FBXL22: variants seen among roughly 807,000 people sequenced by gnomAD.
The protein encoded by FBXL22 is F-box and leucine rich repeat protein 22, also known as F-box and leucine-rich protein 22.
Under a neutral mutation model 11.7 loss-of-function variants are expected in FBXL22, and 13 were observed. The observed-to-expected ratio is 1.11, with a 90% CI of 0.73 to 1.77. FBXL22 has a LOEUF of 1.77. Among genes scored for constraint, FBXL22 ranks in the 40% most tolerant of loss-of-function variants. FBXL22 has a pLI of 0.00. For missense variants in FBXL22, 406 were observed against 320.4 expected, an observed-to-expected ratio of 1.27 and a Z score of -2.04; for synonymous variants, 160 against 144.1, an observed-to-expected ratio of 1.11 and a Z score of -0.79.
downstream of FBXL22, chr15:63,601,664 G>A (rs766648149): frequency 3.1e-6 from 5 of 1,607,934 alleles, no homozygotes; most frequent in East Asian, 1.1e-4. Context: ...ACCTTTCCTG[G>A]GGCGGATGCG....
At chr15:63,603,925 TC>T (rs776255187), downstream of FBXL22, among the ~76,000 whole-genome samples, 1 of 152,182 alleles carries the variant, frequency 6.6e-6, no homozygotes, top group Non-Finnish European at 1.5e-5. Flanking sequence ...CGAATTTTTC[TC>T]CCATTACTCT....
the FBXL22 span, among the ~76,000 whole-genome samples, chr15:63,607,949 CA>C: frequency 2.0e-5 from 3 of 152,348 alleles, no homozygotes; most frequent in African/African-American, 7.2e-5. Flanking sequence ...TCAGGGCCCG[CA>C]GGGGCTAGCT....
downstream of FBXL22, chr15:63,601,324 C>T: frequency 6.3e-7 from 1 of 1,595,372 alleles, no homozygotes; most frequent in Non-Finnish European, 8.5e-7. Flanking sequence ...CCCACGGAGG[C>T]GGGAGGCGCC....
At chr15:63,601,405 G>A (rs749539963), downstream of FBXL22, 5 of 1,595,304 alleles carry the variant, frequency 3.1e-6, no homozygotes, top group African/African-American at 4.0e-5. Context: ...TGACCACTCG[G>A]AGTTCGCCGA....
downstream of FBXL22, among the ~76,000 whole-genome samples, chr15:63,606,049 C>G (rs1364629679): frequency 6.6e-6 from 1 of 152,218 alleles, no homozygotes; most frequent in African/African-American, 2.4e-5. Context: ...GGGGAAGTGA[C>G]TGAGCCACCC....
Position 63,597,546 on chromosome 15 carries a change from C to A in FBXL22, c.154C>A (p.Leu52Met), listed in dbSNP as rs759762526. The A allele has an allele frequency of 9.9e-6, 16 of 1,614,182 alleles. No homozygotes were observed. Among genetic ancestry groups the A allele is most frequent in the Non-Finnish European group, 1.4e-5 (16 of 1,180,038 alleles). Residue 52 changes from leucine to methionine, a missense_variant, in exon 1 of 2, where the codon CTG (leucine) becomes ATG (methionine). Coordinates refer to ENST00000638704, the MANE Select transcript of FBXL22 (RefSeq NM_001367807.1). This position sits in a 1 kb window ranked among gnomAD's most constrained non-coding sequence, Gnocchi z 4.3. ...VFEDPALWSL[L>M]HFRSLTELQK... The stretch of plus-strand genomic sequence containing the variant: ...TGAGGACCCCGCACTCTGGTCCCTG[C>A]TGCACTTCCGTTCCCTCACTGAACT...
At chr15:63,605,135 A>C (rs76763736), downstream of FBXL22, among the ~76,000 whole-genome samples, 274 of 152,330 alleles carry the variant, frequency 1.8e-3, 8 homozygotes, top group East Asian at 0.04. Context: ...AGCCCTGCAG[A>C]CTTAATTAAT....
At chr15:63,608,511 C>T in the FBXL22 span, 1 of 152,604 alleles carries the variant, frequency 6.6e-6, no homozygotes, top group Non-Finnish European at 1.5e-5. Flanking sequence ...GTCAAAAAGC[C>T]ATCAGAGCAA....
chr15:63,607,584 C>T, the FBXL22 span, among the ~76,000 whole-genome samples: 1 of 152,254 alleles, frequency 6.6e-6, no homozygotes, highest in Non-Finnish European at 1.5e-5. Context: ...ATTAGGTATT[C>T]TCACTAAGAA....
chr15:63,597,558 T>C lies in FBXL22; in HGVS notation c.166T>C (p.Ser56Pro), dbSNP rs778299403. ...ACTCTGGTCCCTGCTGCACTTCCGT[T>C]CCCTCACTGAACTCCAGAAGGACAA... ...PALWSLLHFR[S>P]LTELQKDNFL... The change falls in exon 1 of 2, where the codon TCC becomes CCC. Residue 56 changes from serine to proline, a missense_variant. Coordinates refer to ENST00000638704, the MANE Select transcript of FBXL22 (RefSeq NM_001367807.1). This position sits in a 1 kb window ranked among gnomAD's most constrained non-coding sequence, Gnocchi z 4.3. The C allele has an allele frequency of 4.3e-6, 7 of 1,614,036 alleles. No individual in the cohort carries two copies. In the East Asian group the frequency reaches 1.3e-4, roughly 31 times the overall value.
downstream of FBXL22, among the ~76,000 whole-genome samples, chr15:63,604,679 T>C (rs955117103): frequency 6.6e-6 from 1 of 152,200 alleles, no homozygotes; most frequent in Admixed American, 6.5e-5. Context: ...AGCTTCCAGA[T>C]AGCTACATGC....
chr15:63,606,184 C>G (rs1366835494), downstream of FBXL22, among the ~76,000 whole-genome samples: 1 of 152,146 alleles, frequency 6.6e-6, no homozygotes, highest in Admixed American at 6.5e-5. Flanking sequence ...ATCATCTGAC[C>G]CCTTAGAGAC....
rs2067359557 is a variant in FBXL22, at chr15:63,600,888, G to A, written c.545G>A (p.Cys182Tyr). The change falls in exon 2 of 2, where the codon TGC becomes TAC. Residue 182 changes from cysteine to tyrosine, a missense_variant. Coordinates refer to ENST00000638704, the MANE Select transcript of FBXL22 (RefSeq NM_001367807.1). ...CTGCAGACATTGCACGTGGACTTCTGCCGCAACGTGAGCGCGGCCGGCCTG... is the reference window on the plus strand; with the variant it reads ...CTGCAGACATTGCACGTGGACTTCTACCGCAACGTGAGCGCGGCCGGCCTG... ...RALQTLHVDFCRNVSAAGLRR... is the reference protein window; with the variant it reads ...RALQTLHVDFYRNVSAAGLRR... The A allele has an allele frequency of 8.2e-7, 1 of 1,225,806 alleles. No homozygotes were observed. The highest frequency in any genetic ancestry group is 1.0e-6 in the Non-Finnish European group (1 of 983,898). 75.9% of individuals were successfully genotyped at this position (1,225,806 alleles called of 1,614,324 possible).
intron 1 of FBXL22, chr15:63,600,107 T>C: frequency 1.0e-6 from 1 of 985,694 alleles, no homozygotes; most frequent in Non-Finnish European, 1.2e-6. Flanking sequence ...AACCCTACCC[T>C]TTTCCAGGCT....
downstream of FBXL22, among the ~76,000 whole-genome samples, chr15:63,604,469 AC>A (rs1372742954): frequency 6.6e-6 from 1 of 151,984 alleles, no homozygotes; most frequent in Non-Finnish European, 1.5e-5. Context: ...GTTTCTAGGG[AC>A]CCAAATTGGC....
downstream of FBXL22, chr15:63,602,578 CTT>C (rs1365754533): frequency 6.2e-5 from 6 of 96,876 alleles, no homozygotes; most frequent in South Asian, 3.7e-4. Flanking sequence ...CAGAGAGACT[CTT>C]GTCTCAAAAA....
chr15:63,600,154 T>G, intron 1 of FBXL22: 4 of 985,814 alleles, frequency 4.1e-6, no homozygotes, highest in Non-Finnish European at 3.6e-6. Flanking sequence ...TCTAGTCTAC[T>G]AAGCTGAACC....
chr15:63,597,682 A>G lies in FBXL22; in HGVS notation c.290A>G (p.Gln97Arg). The change falls in exon 1 of 2, where the codon CAG becomes CGG. Residue 97 changes from glutamine to arginine, a missense_variant. Transcript: ENST00000638704. This position sits in a 1 kb window ranked among gnomAD's most constrained non-coding sequence, Gnocchi z 4.3. ...GAGGACTGGCTCAAGAGTGCCTTCC[A>G]GAGAAGCATCTGCAGCCGGCACGAG... The part of the protein sequence containing the change: ...SIEDWLKSAF[Q>R]RSICSRHESL... 6.2e-7 allele frequency: 1 copy of G among 1,603,382 alleles called. No homozygotes were observed. The highest frequency in any genetic ancestry group is 8.5e-7 in the Non-Finnish European group (1 of 1,172,364).
chr15:63,599,120 C>T, intron 1 of FBXL22: 1 of 1,297,070 alleles, frequency 7.7e-7, no homozygotes, highest in Non-Finnish European at 1.1e-6. Context: ...ATTTCTTCTT[C>T]TATAAAATGT....
Sources: allele counts gnomAD v4.1 joint callset (sites outside exome capture counted in the v4.1 genomes callset), GRCh38; gene constraint gnomAD v4.1.1; non-coding constraint Gnocchi (gnomAD v3.1); transcripts MANE v1.5; gene names NCBI Gene and HGNC (gene_info 2026-07-23, HGNC 2026-07-21).